Variants in GRID2 observed in about 807,000 individuals in gnomAD.
GRID2 encodes the protein glutamate ionotropic receptor delta type subunit 2.
GRID2 carries 33 observed loss-of-function variants against 114.8 expected under a neutral mutation model. The ratio of observed to expected loss-of-function variants is 0.29; its 90% CI spans 0.22 to 0.38. The LOEUF (loss-of-function observed/expected upper bound fraction) is 0.38, where lower values mean the gene tolerates loss of function less well. Among genes scored for constraint, GRID2 ranks in the 10% least tolerant of loss-of-function variants. The pLI is 1.00. For missense variants in GRID2, 1,184 were observed against 1,257.7 expected (o/e 0.94, Z 0.89); for synonymous variants, 505 against 449.9 (o/e 1.12, Z -1.55).
chr4:93,223,420 A>G (rs570661858), intron 6 of GRID2, among the ~76,000 whole-genome samples: 1 of 152,330 alleles, frequency 6.6e-6, no homozygotes, highest in East Asian at 1.9e-4. Flanking sequence ...CTCACAAGGC[A>G]CTGTTAGGAA....
At chr4:92,865,698 T>G (rs1316029601) in intron 2 of GRID2, among the ~76,000 whole-genome samples, 2 of 152,214 alleles carry the variant, frequency 1.3e-5, no homozygotes, top group Non-Finnish European at 2.9e-5. Context: ...TAAGATCCCG[T>G]GTGTTTTTCA....
At chr4:93,416,391 G>A (rs1179230833) in intron 9 of GRID2, among the ~76,000 whole-genome samples, 1 of 152,056 alleles carries the variant, frequency 6.6e-6, no homozygotes, top group African/African-American at 2.4e-5. Context: ...CTTCAGCCAG[G>A]AGTATGTTTT....
At chr4:93,018,801 A>G (rs144516001) in intron 2 of GRID2, among the ~76,000 whole-genome samples, 1 of 152,264 alleles carries the variant, frequency 6.6e-6, no homozygotes, top group Admixed American at 6.5e-5. Context: ...GCAAAGTGGT[A>G]TCATATCAAT....
rs568487725 is a variant in GRID2, at chr4:93,455,931, C to A, written c.1815C>A (p.Leu605=). 14 of 1,611,036 alleles carry A rather than the reference C, an allele frequency of 8.7e-6. No individual in the cohort carries two copies. The highest frequency in any genetic ancestry group is 1.1e-5 in the Non-Finnish European group (13 of 1,177,376). ...LQMGSMTSTT[L]YNSMWFVYGS... is the part of the protein sequence containing the mutation. ...TGGGATCAATGACGTCTACTACTCT[C>A]TACAACTCCATGTGGTTTGTGTATG... The change falls in exon 11 of 16, where the codon CTC becomes CTA. Residue 605 remains leucine, a synonymous_variant. Transcript: ENST00000282020.
At chr4:93,523,738 A>C (rs1730562246) in intron 13 of GRID2, among the ~76,000 whole-genome samples, 1 of 152,144 alleles carries the variant, frequency 6.6e-6, no homozygotes, top group Non-Finnish European at 1.5e-5. Context: ...GGCTAACAGC[A>C]ATCTCACCAG....
chr4:92,400,186 C>G (rs900938447), intron 1 of GRID2, among the ~76,000 whole-genome samples: 3 of 152,054 alleles, frequency 2.0e-5, no homozygotes. Flanking sequence ...TGTGCAACTA[C>G]CACAGCTATT....
At chr4:92,628,830 A>G (rs1488966300) in intron 2 of GRID2, among the ~76,000 whole-genome samples, 2 of 152,154 alleles carry the variant, frequency 1.3e-5, no homozygotes, top group Non-Finnish European at 1.5e-5. Context: ...CCATTCTCCT[A>G]AATTGGTTGC....
chr4:93,006,063 G>C (rs190281843), intron 2 of GRID2, among the ~76,000 whole-genome samples: 1 of 151,886 alleles, frequency 6.6e-6, no homozygotes, highest in Non-Finnish European at 1.5e-5. Context: ...TTAAAGTAGC[G>C]TCTTAAAATA....
intron 4 of GRID2, among the ~76,000 whole-genome samples, chr4:93,161,004 T>A (rs1181536820): frequency 6.6e-6 from 1 of 151,814 alleles, no homozygotes; most frequent in Non-Finnish European, 1.5e-5. Flanking sequence ...AGAAATGATG[T>A]ATATGGTGAC....
intron 2 of GRID2, among the ~76,000 whole-genome samples, chr4:93,024,513 T>A (rs1723697498): frequency 6.6e-6 from 1 of 151,760 alleles, no homozygotes; most frequent in South Asian, 2.1e-4. Flanking sequence ...AATTTTAAAA[T>A]CTTTATAGTT....
intron 2 of GRID2, among the ~76,000 whole-genome samples, chr4:92,918,849 G>A (rs1298110592): frequency 6.6e-6 from 1 of 152,132 alleles, no homozygotes; most frequent in African/African-American, 2.4e-5. Context: ...TTGGTATCAG[G>A]ATGATGCTGG....
intron 13 of GRID2, among the ~76,000 whole-genome samples, chr4:93,608,870 C>A (rs1464047297): frequency 7.5e-6 from 1 of 132,574 alleles, no homozygotes; most frequent in South Asian, 2.6e-4. Flanking sequence ...AGTTCTAGAT[C>A]CCTGAGGAAT....
chr4:93,610,940 G>C lies in GRID2; in HGVS notation c.2194-15329G>C, dbSNP rs905817081. On this transcript the variant is annotated intron_variant, in intron 13 of 15. Coordinates refer to ENST00000282020, the MANE Select transcript of GRID2 (RefSeq NM_001510.4). ...TAGAATTTGGCTGTGAATCCATCTG[G>C]TCCTGGACTCTTTTAGGTTGGTAAA... 7.2e-5 allele frequency among the ~76,000 whole-genome samples: 10 copies of C among 138,428 alleles called. 2 individuals carry two copies. Among genetic ancestry groups the C allele is most frequent in the Non-Finnish European group, 1.2e-4 (8 of 64,706 alleles). The allele number at this position is 138,428 out of a possible 152,430, so 90.8% of individuals were successfully genotyped here. A position where few individuals can be genotyped will look rare whatever the true frequency, so the allele number is the denominator to read the frequency against.
intron 13 of GRID2, among the ~76,000 whole-genome samples, chr4:93,599,042 A>T (rs1739408299): frequency 6.6e-6 from 1 of 152,198 alleles, no homozygotes; most frequent in African/African-American, 2.4e-5. Context: ...TCATATTCTG[A>T]ATTAAACATT....
intron 2 of GRID2, among the ~76,000 whole-genome samples, chr4:93,054,136 C>T (rs1215398887): frequency 6.6e-6 from 1 of 151,806 alleles, no homozygotes; most frequent in African/African-American, 2.4e-5. Context: ...CTGAAAGAGG[C>T]AGATGGCAAA....
At chr4:92,900,936 C>CTGTGTGTGTGTGTG (rs67753622) in intron 2 of GRID2, among the ~76,000 whole-genome samples, 18,457 of 149,618 alleles carry the variant, frequency 0.12, 1,510 homozygotes, top group African/African-American at 0.23. Context: ...TAGTATTCGT[C>CTGTGTGTGTGTGTG]TGTGTGTGTG....
intron 14 of GRID2, among the ~76,000 whole-genome samples, chr4:93,736,257 C>A (rs916025752): frequency 6.6e-6 from 1 of 151,872 alleles, no homozygotes; most frequent in African/African-American, 2.4e-5. Context: ...ATAGAAATGT[C>A]CTTATATTTT....
chr4:93,717,020 G>C (rs17021055), intron 14 of GRID2, among the ~76,000 whole-genome samples: 2 of 151,998 alleles, frequency 1.3e-5, no homozygotes, highest in African/African-American at 2.4e-5. Context: ...AAGCTTTACA[G>C]AGTGCTTTAT....
chr4:92,621,911 C>T (rs922712013), intron 2 of GRID2, among the ~76,000 whole-genome samples: 2 of 151,422 alleles, frequency 1.3e-5, no homozygotes, highest in Non-Finnish European at 3.0e-5. Flanking sequence ...AGAAAAAATT[C>T]GAAGAGAGAG....
Sources: allele counts gnomAD v4.1 joint callset (sites outside exome capture counted in the v4.1 genomes callset), GRCh38; gene constraint gnomAD v4.1.1; transcripts MANE v1.5; gene names NCBI Gene and HGNC (gene_info 2026-07-23, HGNC 2026-07-21).